MS4A10: variants seen among roughly 807,000 people sequenced by gnomAD.
MS4A10 encodes membrane spanning 4-domains A10, also known as membrane-spanning 4-domains subfamily A member 10.
MS4A10 carries 27 observed loss-of-function variants against 27.7 expected under a neutral mutation model. That is an observed-to-expected ratio of 0.98 (90% CI 0.72 to 1.35). MS4A10 has a LOEUF of 1.35. Ranked by LOEUF, MS4A10 falls within the 40% of genes most tolerant of loss-of-function variation. The probability of loss-of-function intolerance (pLI) is 0.00; values close to 1 mark genes in which losing one functional copy is unlikely to be tolerated. For missense variants in MS4A10, 338 were observed against 324.7 expected (o/e 1.04, Z -0.32); for synonymous variants, 139 against 131.2 (o/e 1.06, Z -0.41).
At chr11:60,792,965 T>C (rs1854456132) in intron 4 of MS4A10, among the ~76,000 whole-genome samples, 1 of 152,232 alleles carries the variant, frequency 6.6e-6, no homozygotes, top group Non-Finnish European at 1.5e-5. Context: ...TGCCCGAGCA[T>C]AGTGATAGCC....
intron 5 of MS4A10, 76 bp from the exon 6 acceptor site, chr11:60,795,479 G>T: frequency 1.1e-6 from 1 of 930,620 alleles, no homozygotes; most frequent in Non-Finnish European, 1.5e-6. Context: ...AAGGACCCCT[G>T]CCTGGCTAAG....
Position 60,792,245 on chromosome 11 carries a change from C to G in MS4A10, c.304-20C>G. 6.2e-7 allele frequency: 1 copy of G among 1,610,624 alleles called. No homozygotes were observed. Among genetic ancestry groups the G allele is most frequent in the Non-Finnish European group, 8.5e-7 (1 of 1,176,872 alleles). ...AGGAACCCCAGCTTCTCTCCTTTGA[C>G]TTTCAAATCTGTCCTGCAGTTTCTC... On this transcript the variant is annotated intron_variant, in intron 3 of 7. Transcript: ENST00000308287.
At chr11:60,797,241 G>C (rs559862842) in intron 6 of MS4A10, among the ~76,000 whole-genome samples, 1 of 152,162 alleles carries the variant, frequency 6.6e-6, no homozygotes, top group Non-Finnish European at 1.5e-5. Flanking sequence ...AGCAATAATT[G>C]TTCCTATTTA....
chr11:60,790,243 G>A (rs1423485664), intron 1 of MS4A10, 71 bp from the exon 2 acceptor site: 1 of 1,305,218 alleles, frequency 7.7e-7, no homozygotes, highest in Admixed American at 1.8e-5. Flanking sequence ...AGAGGTGATT[G>A]GCAGAGGCTC....
intron 1 of MS4A10, among the ~76,000 whole-genome samples, chr11:60,787,715 G>GA (rs1314774486): frequency 6.6e-6 from 1 of 151,818 alleles, no homozygotes; most frequent in Non-Finnish European, 1.5e-5. Flanking sequence ...TAGACAATGA[G>GA]AAAAAAAAGA....
intron 1 of MS4A10, among the ~76,000 whole-genome samples, chr11:60,788,056 T>A (rs528029058): frequency 6.7e-6 from 1 of 148,196 alleles, no homozygotes; most frequent in African/African-American, 2.6e-5. Context: ...AAATAAATAA[T>A]AAAGATTATA....
Position 60,800,232 on chromosome 11 carries a change from T to C in MS4A10, c.*323T>C, listed in dbSNP as rs539800. The stretch of plus-strand genomic sequence containing the variant: ...GTGGCACTATCTCAGCTCACTGCAA[T>C]CTCCGCCTCCCTGGTTCAAGTGATT... On this transcript the variant is annotated 3_prime_UTR_variant, in exon 8 of 8. Transcript: ENST00000308287. 266,848 of 271,292 alleles carry C rather than the reference T, an allele frequency of 0.98. 131,383 individuals carry two copies. Among genetic ancestry groups the C allele is most frequent in the East Asian group, 1 (13,718 of 13,722 alleles). 16.8% of individuals were successfully genotyped at this position (271,292 alleles called of 1,614,324 possible).
chr11:60,792,315 T>A lies in MS4A10; in HGVS notation c.354T>A (p.Thr118=). Residue 118 remains threonine (T), a synonymous_variant, in exon 4 of 8, where the codon ACT becomes ACA. Coordinates refer to ENST00000308287, the MANE Select transcript of MS4A10 (RefSeq NM_206893.4). ...TAACAATGAAGACCTTTTCTAAAAC[T>A]TACCTGGTGAGTGGGCACACTGAGA... The part of the protein sequence containing the change: ...LAITMKTFSK[T]YLKMLCLMTN... 1 of 1,608,798 alleles carries A rather than the reference T, an allele frequency of 6.2e-7. No homozygotes were observed. Among genetic ancestry groups the A allele is most frequent in the Non-Finnish European group, 8.5e-7 (1 of 1,175,168 alleles).
intron 2 of MS4A10, 73 bp downstream of exon 2, chr11:60,790,591 G>T (rs1854414347): frequency 2.6e-6 from 4 of 1,539,882 alleles, no homozygotes; most frequent in South Asian, 1.2e-5. Flanking sequence ...ATGCTGGGGG[G>T]CCCCAAGGGA....
intron 6 of MS4A10, among the ~76,000 whole-genome samples, chr11:60,797,362 G>C (rs1177257671): frequency 6.6e-6 from 1 of 152,202 alleles, no homozygotes; most frequent in African/African-American, 2.4e-5. Flanking sequence ...AATGACACCT[G>C]TATTACCCTA....
intron 1 of MS4A10, among the ~76,000 whole-genome samples, chr11:60,786,913 A>C (rs908089513): frequency 1.3e-5 from 2 of 152,144 alleles, no homozygotes; most frequent in Non-Finnish European, 2.9e-5. Flanking sequence ...GATGTAAAAA[A>C]CCGGCCCAAG....
chr11:60,799,037 G>A (rs1227958142), intron 7 of MS4A10, among the ~76,000 whole-genome samples: 1 of 152,216 alleles, frequency 6.6e-6, no homozygotes, highest in Non-Finnish European at 1.5e-5. Context: ...AGGGCAGCTG[G>A]GGAGTTGAGT....
intron 2 of MS4A10, 99 bp from the exon 3 acceptor site, chr11:60,790,875 A>C: frequency 1.3e-6 from 2 of 1,509,614 alleles, no homozygotes; most frequent in South Asian, 2.5e-5. Flanking sequence ...AAGAGGACAG[A>C]AGGGACTCAC....
intron 6 of MS4A10, among the ~76,000 whole-genome samples, chr11:60,796,206 A>ATGGATGGATGGT (rs1854529736): frequency 6.6e-6 from 1 of 151,918 alleles, no homozygotes; most frequent in Non-Finnish European, 1.5e-5. Context: ...TGATGGATGG[A>ATGGATGGATGGT]TGGATGGATG....
chr11:60,795,550 C>T lies in MS4A10; in HGVS notation c.493-5C>T. 6.5e-7 allele frequency: 1 copy of T among 1,536,556 alleles called. No individual in the cohort carries two copies. Among genetic ancestry groups the T allele is most frequent in the Non-Finnish European group, 8.8e-7 (1 of 1,141,712 alleles). On this transcript the variant is annotated splice_region_variant and splice_polypyrimidine_tract_variant and intron_variant, in intron 5 of 7. Transcript: ENST00000308287. ...ACCCTGCCTTCCTTCCCTCTACCCT[C>T]TCAGGTCCACATCCAGAGGCTGGAG... is the stretch of plus-strand genomic sequence containing the variant.
intron 6 of MS4A10, 43 bp downstream of exon 6, chr11:60,795,708 G>C: frequency 2.3e-6 from 3 of 1,288,166 alleles, no homozygotes; most frequent in Non-Finnish European, 2.1e-6. Flanking sequence ...AAAAATGGGG[G>C]CATGAGGCAG....
At chr11:60,788,266 G>T (rs1854372610) in intron 1 of MS4A10, among the ~76,000 whole-genome samples, 1 of 152,172 alleles carries the variant, frequency 6.6e-6, no homozygotes, top group Admixed American at 6.5e-5. Flanking sequence ...GGTTATTCTG[G>T]ATTCTTGAGT....
chr11:60,791,385 C>G (rs1854428283), intron 3 of MS4A10, among the ~76,000 whole-genome samples: 1 of 152,108 alleles, frequency 6.6e-6, no homozygotes, highest in Non-Finnish European at 1.5e-5. Context: ...TGAGTAAGAC[C>G]CAGGGACAGC....
chr11:60,794,102 C>A lies in MS4A10; in HGVS notation c.491C>A (p.Thr164Lys), dbSNP rs143291962. 1.9e-6 allele frequency: 3 copies of A among 1,614,064 alleles called. No individual in the cohort carries two copies. The highest frequency in any genetic ancestry group is 1.7e-4 in the Middle Eastern group (1 of 5,978). Residue 164 changes from threonine to lysine, a missense_variant and splice_region_variant, in exon 5 of 8, where the codon ACG becomes AAG. Thr to Lys is a moderately conservative substitution (Grantham distance 78, BLOSUM62 -1). Transcript: ENST00000308287. Reference protein sequence around the residue: ...SPIWRMYPNSTVHIQRLELAL... With the variant: ...SPIWRMYPNSKVHIQRLELAL... ...ATCTGGAGAATGTACCCCAACTCCA[C>A]GGTGAGTACCCAGGCCTGGAGGGCC...
Sources: gnomAD v4.1 joint callset for allele counts (sites outside exome capture counted in the v4.1 genomes callset) on GRCh38, gnomAD v4.1.1 for gene constraint, MANE v1.5 for transcripts, NCBI Gene and HGNC (gene_info 2026-07-23, HGNC 2026-07-21) for gene names.